Variants in RAB3C observed in about 807,000 individuals in gnomAD.
RAB3C encodes RAB3C, member RAS oncogene family.
In RAB3C, 17 loss-of-function variants were observed where a neutral mutation model predicts 26.4. The ratio of observed to expected loss-of-function variants is 0.64; its 90% CI spans 0.44 to 0.97. The LOEUF is 0.97. Among genes scored for constraint, RAB3C ranks in the 50% least tolerant of loss-of-function variants. The pLI is 0.00. For synonymous variants in RAB3C, 91 were observed against 95.9 expected, an observed-to-expected ratio of 0.95 and a Z score of 0.30; for missense variants, 242 against 281.9, an observed-to-expected ratio of 0.86 and a Z score of 1.01.
chr5:58,853,413 T>C lies in RAB3C; in HGVS notation c.*2062T>C, dbSNP rs748600318. 1.4e-4 allele frequency: 22 copies of C among 152,162 alleles called. No individual in the cohort carries two copies. Among genetic ancestry groups the C allele is most frequent in the Non-Finnish European group, 3.2e-4 (22 of 68,018 alleles). The allele number at this position is 152,162 out of a possible 1,614,324, so 9.4% of individuals were successfully genotyped here. On this transcript the variant is annotated 3_prime_UTR_variant, in exon 5 of 5. Transcript: ENST00000282878. The stretch of plus-strand genomic sequence containing the variant: ...TCCTTCACAGCCCTCATCCCACACA[T>C]AGATGTAAAAAGCTTAGAAAGAATA...
chr5:58,621,418 G>A (rs1223269110), intron 2 of RAB3C, among the ~76,000 whole-genome samples: 1 of 152,174 alleles, frequency 6.6e-6, no homozygotes, highest in African/African-American at 2.4e-5. Flanking sequence ...CAGGTCTCCT[G>A]CTAGGTGGGC....
chr5:58,730,079 T>C (rs1740980236), intron 3 of RAB3C, among the ~76,000 whole-genome samples: 1 of 151,340 alleles, frequency 6.6e-6, no homozygotes. Flanking sequence ...CTCTCAACAA[T>C]AGATTTAAGA....
intron 4 of RAB3C, among the ~76,000 whole-genome samples, chr5:58,839,177 T>C (rs572239890): frequency 6.6e-6 from 1 of 152,110 alleles, no homozygotes; most frequent in Admixed American, 6.5e-5. Flanking sequence ...CTATGTCTTT[T>C]AAATGGAGAA....
At chr5:58,645,091 A>G (rs945684276) in intron 2 of RAB3C, among the ~76,000 whole-genome samples, 2 of 152,242 alleles carry the variant, frequency 1.3e-5, no homozygotes, top group Non-Finnish European at 2.9e-5. Flanking sequence ...AGACACTAGG[A>G]AAGGAAAGGA....
chr5:58,612,541 T>C (rs1391616315), intron 1 of RAB3C, among the ~76,000 whole-genome samples: 2 of 57,718 alleles, frequency 3.5e-5, no homozygotes, highest in Non-Finnish European at 3.8e-5. Context: ...TATATATATA[T>C]ATATATGTAT....
At chr5:58,697,015 A>T (rs181662230) in intron 2 of RAB3C, among the ~76,000 whole-genome samples, 2 of 152,232 alleles carry the variant, frequency 1.3e-5, no homozygotes, top group East Asian at 3.9e-4. Flanking sequence ...TTGTGATGTT[A>T]GGGTGTCGAT....
At chr5:58,583,903 T>C (rs1745959728) in intron 1 of RAB3C, among the ~76,000 whole-genome samples, 1 of 152,228 alleles carries the variant, frequency 6.6e-6, no homozygotes, top group Non-Finnish European at 1.5e-5. Flanking sequence ...ATCACATTCT[T>C]AGGTTTGTTT....
Position 58,693,338 on chromosome 5 carries a change from A to G in RAB3C, c.253-32664A>G, listed in dbSNP as rs28491508. Among the ~76,000 whole-genome samples, 64 of 124,522 alleles carry G rather than the reference A, an allele frequency of 5.1e-4. 3 individuals carry two copies. Among genetic ancestry groups the G allele is most frequent in the South Asian group, 1.2e-3 (5 of 4,120 alleles). 81.7% of individuals were successfully genotyped at this position (124,522 alleles called of 152,430 possible). A position where few individuals can be genotyped will look rare whatever the true frequency, so the allele number is the denominator to read the frequency against. ...ATTAAGAAATTATATATATATGTGT[A>G]TATATATATATATATATATATATAA... is the stretch of plus-strand genomic sequence containing the variant. On this transcript the variant is annotated intron_variant, in intron 2 of 4. Coordinates refer to ENST00000282878, the MANE Select transcript of RAB3C (RefSeq NM_138453.4).
Position 58,583,222 on chromosome 5 carries a change from C to T in RAB3C, c.14C>T (p.Ala5Val), listed in dbSNP as rs1745941704. MRHE[A>V]PMQMASAQDA... ...CATTTGCCAACAATGAGACACGAAG[C>T]GCCCATGCAGGTGGGTCCATAAAGA... is the stretch of plus-strand genomic sequence containing the variant. The change falls in exon 1 of 5, where the codon GCG (alanine) becomes GTG (valine). Residue 5 changes from alanine (A) to valine (V), a missense_variant. By Grantham distance (64) the Ala-to-Val change is moderately conservative (BLOSUM62 0). Transcript: ENST00000282878. 1 of 1,614,184 alleles carries T rather than the reference C, an allele frequency of 6.2e-7. No individual in the cohort carries two copies. Among genetic ancestry groups the T allele is most frequent in the South Asian group, 1.1e-5 (1 of 91,080 alleles).
At chr5:58,617,509 A>G in intron 1 of RAB3C, 134 bp from the exon 2 acceptor site, 1 of 796,530 alleles carries the variant, frequency 1.3e-6, no homozygotes, top group Non-Finnish European at 2.3e-6. Context: ...ACTGGGGAGC[A>G]CTCACCACTC....
At chr5:58,669,068 C>G (rs886617439) in intron 2 of RAB3C, among the ~76,000 whole-genome samples, 2 of 152,050 alleles carry the variant, frequency 1.3e-5, no homozygotes, top group Admixed American at 1.3e-4. Flanking sequence ...CATGAGGGCT[C>G]CACCCCCACA....
At chr5:58,786,738 C>T (rs1402258430) in intron 3 of RAB3C, among the ~76,000 whole-genome samples, 1 of 151,858 alleles carries the variant, frequency 6.6e-6, no homozygotes, top group Non-Finnish European at 1.5e-5. Flanking sequence ...GGAACAGACC[C>T]AATCTAGGAA....
At chr5:58,836,191 A>G (rs1247151278) in intron 4 of RAB3C, among the ~76,000 whole-genome samples, 1 of 152,164 alleles carries the variant, frequency 6.6e-6, no homozygotes, top group Admixed American at 6.5e-5. Flanking sequence ...ATGGTTTCTT[A>G]GTGGTTCTAG....
intron 3 of RAB3C, among the ~76,000 whole-genome samples, chr5:58,808,950 C>A (rs1743007507): frequency 6.6e-6 from 1 of 152,138 alleles, no homozygotes; most frequent in African/African-American, 2.4e-5. Flanking sequence ...ATTTCATGTA[C>A]CAAATTTGGT....
At chr5:58,833,697 T>G (rs977063535) in intron 4 of RAB3C, among the ~76,000 whole-genome samples, 3 of 152,068 alleles carry the variant, frequency 2.0e-5, no homozygotes, top group African/African-American at 7.2e-5. Flanking sequence ...GTCAGGATAG[T>G]GGAGATACTT....
intron 2 of RAB3C, among the ~76,000 whole-genome samples, chr5:58,692,208 C>A (rs1369742646): frequency 6.6e-6 from 1 of 152,102 alleles, no homozygotes; most frequent in Non-Finnish European, 1.5e-5. Flanking sequence ...ATTTTTATCT[C>A]AGTGTTTTAT....
At chr5:58,600,701 T>C (rs916892239) in intron 1 of RAB3C, among the ~76,000 whole-genome samples, 7 of 152,176 alleles carry the variant, frequency 4.6e-5, no homozygotes, top group African/African-American at 1.7e-4. Context: ...ATCTTTTATC[T>C]GGAAACTTTG....
At chr5:58,784,901 T>G (rs1177069553) in intron 3 of RAB3C, 1 of 152,198 alleles carries the variant, frequency 6.6e-6, no homozygotes, top group Non-Finnish European at 1.5e-5. Flanking sequence ...TGTCTCCTTA[T>G]GGCTTATCCA....
At position 58,760,815 on chromosome 5, in the gene RAB3C, A is replaced by T. The variant is rs192288875; in HGVS notation, c.371+34695A>T. Among the ~76,000 whole-genome samples the T allele has an allele frequency of 2.2e-4, 33 of 152,286 alleles. 1 individual carries two copies. The highest frequency in any genetic ancestry group is 1.5e-5 in the Non-Finnish European group (1 of 68,020). On this transcript the variant is annotated intron_variant, in intron 3 of 4. Coordinates refer to ENST00000282878, the MANE Select transcript of RAB3C (RefSeq NM_138453.4). Reference sequence around the variant, plus strand: ...GGAACTTACAGTCTAGTTAATGGAGACATGTCAGGAACACGTGTGTCTAAA... The same window carrying T: ...GGAACTTACAGTCTAGTTAATGGAGTCATGTCAGGAACACGTGTGTCTAAA...
Sources: gnomAD v4.1 joint callset for allele counts (sites outside exome capture counted in the v4.1 genomes callset) on GRCh38, gnomAD v4.1.1 for gene constraint, MANE v1.5 for transcripts, NCBI Gene and HGNC (gene_info 2026-07-23, HGNC 2026-07-21) for gene names.